DSC3: variants seen among roughly 807,000 people sequenced by gnomAD.
The protein encoded by DSC3 is desmocollin 3, also known as desmocollin-3.
A neutral mutation model predicts 89.5 loss-of-function variants in DSC3; 97 were observed. The observed-to-expected ratio is 1.08, with a 90% CI of 0.92 to 1.28. DSC3 has a LOEUF of 1.28. Ranked by LOEUF, DSC3 falls within the 50% of genes most tolerant of loss-of-function variation. The pLI, the probability that DSC3 is intolerant of heterozygous loss-of-function variation, is 0.00. For synonymous variants in DSC3, 436 were observed against 384.1 expected (o/e 1.14, Z -1.58); for missense variants, 1,199 against 1,085.3 (o/e 1.10, Z -1.47).
At chr18:31,036,927 G>A (rs1300744176) in intron 1 of DSC3, among the ~76,000 whole-genome samples, 1 of 151,346 alleles carries the variant, frequency 6.6e-6, no homozygotes, top group African/African-American at 2.4e-5. Flanking sequence ...TGAGTAGCTG[G>A]GATTACAGGC....
At chr18:31,022,221 G>T (rs1985444861) in intron 7 of DSC3, 115 bp downstream of exon 7, 4 of 1,277,412 alleles carry the variant, frequency 3.1e-6, no homozygotes, top group Non-Finnish European at 3.3e-6. Flanking sequence ...AATTCTTATT[G>T]TCTTATGCCT....
chr18:31,008,948 T>G (rs545506286), intron 9 of DSC3, among the ~76,000 whole-genome samples: 2 of 152,316 alleles, frequency 1.3e-5, no homozygotes, highest in East Asian at 3.9e-4. Flanking sequence ...CCAGGCATTT[T>G]ATAACTCTTG....
In DSC3 at chr18:30,996,214, T is replaced by C. The variant is rs560347152; in HGVS notation, c.2493+577A>G. On this transcript the variant is annotated intron_variant, in intron 15 of 15. Transcript: ENST00000360428. The stretch of plus-strand genomic sequence containing the variant: ...ATTTCAAAATTGCAAAGAAAGTACA[T>C]TTCAAATGTTCTCACCACAAAAAAT... Among the ~76,000 whole-genome samples, 10 of 152,200 alleles carry C rather than the reference T, an allele frequency of 6.6e-5. No individual in the cohort carries two copies. The East Asian group carries it at 1.2e-3, about 18-fold the overall frequency.
At position 31,031,269 on chromosome 18, in the gene DSC3, G is replaced by C. The variant is rs1011079383; in HGVS notation, c.155-97C>G. ...TAATATTCTTAAAAACCATGAAGTG[G>C]GATGAAATAAGCCAATCACTTTGCA... On this transcript the variant is annotated intron_variant, in intron 2 of 15. Transcript: ENST00000360428. 1.6e-5 allele frequency: 14 copies of C among 855,234 alleles called. No homozygotes were observed. In the African/African-American group the frequency reaches 2.4e-4, roughly 15 times the overall value. 53.0% of individuals were successfully genotyped at this position (855,234 alleles called of 1,614,324 possible).
chr18:31,013,359 G>A (rs1341260091), intron 9 of DSC3, among the ~76,000 whole-genome samples: 1 of 151,966 alleles, frequency 6.6e-6, no homozygotes, highest in Non-Finnish European at 1.5e-5. Flanking sequence ...CAATAATAAT[G>A]TAGAAGAATT....
chr18:30,998,373 C>T (rs1567948663), intron 14 of DSC3, among the ~76,000 whole-genome samples: 1 of 152,026 alleles, frequency 6.6e-6, no homozygotes, highest in Non-Finnish European at 1.5e-5. Flanking sequence ...CTCACTGAAA[C>T]AGGGAGGAAA....
At position 30,991,591 on chromosome 18, in the gene DSC3, C is replaced by G. The variant is rs1984243937; in HGVS notation, c.*2584G>C. 6.6e-6 allele frequency: 1 copy of G among 152,098 alleles called. No individual in the cohort carries two copies. The highest frequency in any genetic ancestry group is 1.5e-5 in the Non-Finnish European group (1 of 68,042). The allele number at this position is 152,098 out of a possible 1,614,324, so 9.4% of individuals were successfully genotyped here. A position where few individuals can be genotyped will look rare whatever the true frequency, so the allele number is the denominator to read the frequency against. On this transcript the variant is annotated 3_prime_UTR_variant, in exon 16 of 16. Transcript: ENST00000360428. Reference sequence around the variant, plus strand: ...GAAAGTTTATCGGCACTAGTAAAGTCTTGGGGAGGTAGCAGGTTTTGATCG... The same window carrying G: ...GAAAGTTTATCGGCACTAGTAAAGTGTTGGGGAGGTAGCAGGTTTTGATCG...
chr18:31,027,242 G>T (rs930708051), intron 4 of DSC3, among the ~76,000 whole-genome samples: 3 of 152,110 alleles, frequency 2.0e-5, no homozygotes, highest in African/African-American at 7.2e-5. Context: ...AAATTTTGCA[G>T]AATCTCTTGA....
intron 1 of DSC3, among the ~76,000 whole-genome samples, chr18:31,040,500 A>T (rs532987844): frequency 2.6e-5 from 4 of 152,042 alleles, no homozygotes; most frequent in South Asian, 2.1e-4. Context: ...TCTCCCTGTC[A>T]TTTTTTTCTT....
intron 14 of DSC3, among the ~76,000 whole-genome samples, chr18:30,997,946 A>G (rs1319396201): frequency 6.6e-6 from 1 of 152,190 alleles, no homozygotes; most frequent in Non-Finnish European, 1.5e-5. Flanking sequence ...CAGCTACCAC[A>G]TAAGATTAGG....
intron 2 of DSC3, 73 bp downstream of exon 2, chr18:31,032,119 G>T (rs1255595877): frequency 1.0e-5 from 11 of 1,054,894 alleles, no homozygotes; most frequent in African/African-American, 1.6e-5. Flanking sequence ...AAAAGGCAAA[G>T]GTATTATATC....
rs1432414503 is a variant in DSC3, at chr18:31,032,199, A to G, written c.147T>C (p.Ile49=). The G allele has an allele frequency of 6.2e-7, 1 of 1,611,938 alleles. No homozygotes were observed. The highest frequency in any genetic ancestry group is 1.1e-5 in the South Asian group (1 of 91,038). ...ACTTTTAAAATTTCTCACCTCTGCCAATTATTTTGTCTGCCTCTAGTTTAG... is the reference window on the plus strand; with the variant it reads ...ACTTTTAAAATTTCTCACCTCTGCCGATTATTTTGTCTGCCTCTAGTTTAG... ...VPSKLEADKI[I]GRVNLEECFR... The change falls in exon 2 of 16, where the codon ATT becomes ATC. Residue 49 remains isoleucine (I), a synonymous_variant. Coordinates refer to ENST00000360428, the MANE Select transcript of DSC3 (RefSeq NM_001941.5).
intron 9 of DSC3, among the ~76,000 whole-genome samples, chr18:31,009,990 T>C (rs1436663060): frequency 2.0e-5 from 3 of 152,236 alleles, no homozygotes. Context: ...TAAAACATTA[T>C]GTTACACTGT....
intron 13 of DSC3, 24 bp downstream of exon 13, chr18:31,004,118 C>G: frequency 6.4e-7 from 1 of 1,559,810 alleles, no homozygotes; most frequent in Non-Finnish European, 8.8e-7. Context: ...TATATTTTAA[C>G]TTCAAGAAAG....
intron 15 of DSC3, among the ~76,000 whole-genome samples, chr18:30,995,294 T>G (rs1422489995): frequency 1.3e-5 from 2 of 152,210 alleles, no homozygotes; most frequent in East Asian, 3.9e-4. Context: ...CTCCTAAGAC[T>G]ATGTCTTAAG....
At chr18:31,036,392 T>G (rs1462476809) in intron 1 of DSC3, among the ~76,000 whole-genome samples, 2 of 152,182 alleles carry the variant, frequency 1.3e-5, no homozygotes, top group African/African-American at 2.4e-5. Context: ...CTATTGTTTG[T>G]GCTTGTTAAA....
In DSC3 at chr18:30,992,155, G is replaced by C. The variant is rs1156838672; in HGVS notation, c.*2020C>G. Reference sequence around the variant, plus strand: ...CACTCCAGCCTGTGCGTCAGAGCGAGACTCCGTCTCAAAAAAAAAAGGGGG... The same window carrying C: ...CACTCCAGCCTGTGCGTCAGAGCGACACTCCGTCTCAAAAAAAAAAGGGGG... On this transcript the variant is annotated 3_prime_UTR_variant, in exon 16 of 16. Coordinates refer to ENST00000360428, the MANE Select transcript of DSC3 (RefSeq NM_001941.5). 2.1e-5 allele frequency: 2 copies of C among 93,258 alleles called. No homozygotes were observed. Among genetic ancestry groups the C allele is most frequent in the Non-Finnish European group, 3.8e-5 (2 of 52,028 alleles). 5.8% of individuals were successfully genotyped at this position (93,258 alleles called of 1,614,324 possible).
At position 31,018,771 on chromosome 18, in the gene DSC3, T is replaced by G; in HGVS notation, c.972A>C (p.Lys324Asn). The change falls in exon 8 of 16, where the codon AAA (lysine) becomes AAC (asparagine). Residue 324 changes from lysine (K) to asparagine (N), a missense_variant. Physicochemically the swap from Lys to Asn is moderately conservative, Grantham distance 94. Coordinates refer to ENST00000360428, the MANE Select transcript of DSC3 (RefSeq NM_001941.5). ...AAAACTGGCCATCCATGTCTTGTAC[T>G]TTCATTATCAATGAGTACTTGTCTA... ...EVVDKYSLIM[K>N]VQDMDGQFFG... 1 of 1,613,852 alleles carries G rather than the reference T, an allele frequency of 6.2e-7. No individual in the cohort carries two copies. The highest frequency in any genetic ancestry group is 8.5e-7 in the Non-Finnish European group (1 of 1,179,936).
intron 15 of DSC3, 71 bp downstream of exon 15, chr18:30,996,720 T>C: frequency 6.3e-7 from 1 of 1,582,146 alleles, no homozygotes; most frequent in Non-Finnish European, 8.6e-7. Context: ...AAATATATGT[T>C]AATTTGAATT....
Sources: allele counts gnomAD v4.1 joint callset (sites outside exome capture counted in the v4.1 genomes callset), GRCh38; gene constraint gnomAD v4.1.1; transcripts MANE v1.5; gene names NCBI Gene and HGNC (gene_info 2026-07-23, HGNC 2026-07-21).